Variants in KIAA2012 observed in about 807,000 individuals in gnomAD.
KIAA2012 encodes uncharacterized protein KIAA2012.
In KIAA2012, 125 loss-of-function variants were observed where a neutral mutation model predicts 150.6. That is an observed-to-expected ratio of 0.83 (90% CI 0.72 to 0.96). KIAA2012 has a LOEUF of 0.96. Among genes scored for constraint, KIAA2012 ranks in the 40% least tolerant of loss-of-function variants. KIAA2012 has a pLI of 0.00. For missense variants in KIAA2012, 1,219 were observed against 1,354.9 expected (o/e 0.90, Z 1.57); for synonymous variants, 462 against 504.7 (o/e 0.92, Z 1.13).
chr2:202,166,794 C>A (rs1486582212), intron 15 of KIAA2012, among the ~76,000 whole-genome samples: 2 of 152,152 alleles, frequency 1.3e-5, no homozygotes, highest in Non-Finnish European at 2.9e-5. Context: ...CCAGTTGCCA[C>A]CTGCAGTGAG....
intron 14 of KIAA2012, among the ~76,000 whole-genome samples, chr2:202,158,304 A>T (rs540565408): frequency 1.3e-5 from 2 of 151,384 alleles, no homozygotes; most frequent in South Asian, 4.2e-4. Context: ...CCCTCAGCCA[A>T]CATATATTAA....
chr2:202,101,864 T>C (rs1488495008), intron 7 of KIAA2012, among the ~76,000 whole-genome samples: 4 of 152,188 alleles, frequency 2.6e-5, no homozygotes, highest in Non-Finnish European at 4.4e-5. Flanking sequence ...CCTTCTTCAA[T>C]CAACTCTAAA....
intron 9 of KIAA2012, among the ~76,000 whole-genome samples, chr2:202,109,123 C>A (rs1384661049): frequency 6.6e-6 from 1 of 152,214 alleles, no homozygotes; most frequent in African/African-American, 2.4e-5. Flanking sequence ...ATTGACTCTG[C>A]CTAGCACAAC....
intron 14 of KIAA2012, among the ~76,000 whole-genome samples, chr2:202,159,193 T>A (rs1691600698): frequency 1.3e-5 from 2 of 152,186 alleles, no homozygotes; most frequent in South Asian, 4.1e-4. Context: ...GCTTAGGACA[T>A]CATCCAAAGA....
At chr2:202,078,282 A>C (rs1689368887) in intron 2 of KIAA2012, among the ~76,000 whole-genome samples, 1 of 152,248 alleles carries the variant, frequency 6.6e-6, no homozygotes, top group Non-Finnish European at 1.5e-5. Flanking sequence ...GAAAATCTGC[A>C]CAATGTTTTT....
At chr2:202,165,403 C>T in intron 15 of KIAA2012, 47 bp downstream of exon 15, 1 of 1,512,552 alleles carries the variant, frequency 6.6e-7, no homozygotes, top group Non-Finnish European at 9.0e-7. Context: ...CCATAACTGT[C>T]AGATGAACTT....
Position 202,090,944 on chromosome 2 carries a change from G to A in KIAA2012, c.529+15G>A. On this transcript the variant is annotated intron_variant, in intron 3 of 23. Coordinates refer to ENST00000498697, the MANE Select transcript of KIAA2012 (RefSeq NM_001277372.4). ...CTGGTGCGCAGGTCAGTGGGGAAAT[G>A]GGAGGGGGGCACACCCCAAACTGCC... 1 of 1,533,210 alleles carries A rather than the reference G, an allele frequency of 6.5e-7. No individual in the cohort carries two copies. The highest frequency in any genetic ancestry group is 8.8e-7 in the Non-Finnish European group (1 of 1,134,444). The allele number at this position is 1,533,210 out of a possible 1,614,324, so 95.0% of individuals were successfully genotyped here.
In KIAA2012 at chr2:202,193,413, A is replaced by C; in HGVS notation, c.2924A>C (p.Gln975Pro). The C allele has an allele frequency of 6.4e-7, 1 of 1,550,450 alleles. No individual in the cohort carries two copies. Among genetic ancestry groups the C allele is most frequent in the Non-Finnish European group, 8.7e-7 (1 of 1,146,854 alleles). Residue 975 changes from glutamine to proline, a missense_variant, in exon 20 of 24, where the codon CAA (glutamine) becomes CCA (proline). Gln to Pro is a moderately conservative substitution (Grantham distance 76). Coordinates refer to ENST00000498697, the MANE Select transcript of KIAA2012 (RefSeq NM_001277372.4). Reference protein sequence around the residue: ...VEKKRREQEEQRQLQQEQLER... With the variant: ...VEKKRREQEEPRQLQQEQLER... Reference sequence around the variant, plus strand: ...AAGAAGAGAAGGGAGCAGGAAGAGCAAAGGCAGCTCCAGCAGGAGCAGCTG... The same window carrying C: ...AAGAAGAGAAGGGAGCAGGAAGAGCCAAGGCAGCTCCAGCAGGAGCAGCTG...
At chr2:202,103,201 C>A in intron 8 of KIAA2012, 87 bp downstream of exon 8, 1 of 1,300,152 alleles carries the variant, frequency 7.7e-7, no homozygotes, top group South Asian at 1.5e-5. Context: ...TCATGGCTGA[C>A]GTTCCCTATG....
chr2:202,167,615 G>A (rs986273083), intron 15 of KIAA2012, among the ~76,000 whole-genome samples: 4 of 152,112 alleles, frequency 2.6e-5, no homozygotes, highest in Non-Finnish European at 2.9e-5. Context: ...CAGACCAGAA[G>A]TTGTTGGAGA....
intron 13 of KIAA2012, among the ~76,000 whole-genome samples, chr2:202,139,097 C>T (rs549379156): frequency 3.9e-5 from 6 of 151,940 alleles, no homozygotes; most frequent in African/African-American, 1.4e-4. Context: ...AAAAATTAGC[C>T]GGGTGTGGTG....
chr2:202,187,390 C>T (rs1481245468), intron 17 of KIAA2012, among the ~76,000 whole-genome samples: 2 of 152,104 alleles, frequency 1.3e-5, no homozygotes, highest in African/African-American at 2.4e-5. Flanking sequence ...CTGCAACATC[C>T]GCCTCCCAGG....
At chr2:202,146,917 G>T (rs1453606241) in intron 13 of KIAA2012, among the ~76,000 whole-genome samples, 2 of 152,166 alleles carry the variant, frequency 1.3e-5, no homozygotes, top group Non-Finnish European at 2.9e-5. Flanking sequence ...TTTCCCTCAT[G>T]GGGTCATGAT....
At chr2:202,168,806 G>A (rs575790417) in intron 15 of KIAA2012, among the ~76,000 whole-genome samples, 1 of 152,224 alleles carries the variant, frequency 6.6e-6, no homozygotes, top group South Asian at 2.1e-4. Context: ...AGGTGCAGGG[G>A]GTCCTTAAGG....
At chr2:202,150,966 T>A (rs979563658) in intron 13 of KIAA2012, among the ~76,000 whole-genome samples, 1 of 152,204 alleles carries the variant, frequency 6.6e-6, no homozygotes, top group African/African-American at 2.4e-5. Flanking sequence ...AAGTGTCAGT[T>A]TTGATTGCTC....
In KIAA2012 at chr2:202,196,909, G is replaced by A. The variant is rs1436573182; in HGVS notation, c.3297G>A (p.Gln1099=). 5 of 1,550,744 alleles carry A rather than the reference G, an allele frequency of 3.2e-6. No individual in the cohort carries two copies. In the East Asian group the frequency reaches 9.8e-5, roughly 30 times the overall value. ...EERLEYQRRK[Q]EAEEKARLEA... ...GACTGGAGTACCAGCGGCGGAAACAGGAAGCAGAAGAGAAGGCTCGGCTGG... is the reference window on the plus strand; with the variant it reads ...GACTGGAGTACCAGCGGCGGAAACAAGAAGCAGAAGAGAAGGCTCGGCTGG... Residue 1099 remains glutamine (Q), a synonymous_variant, in exon 22 of 24, where the codon CAG becomes CAA. Coordinates refer to ENST00000498697, the MANE Select transcript of KIAA2012 (RefSeq NM_001277372.4).
At chr2:202,196,652 C>A in intron 21 of KIAA2012, 148 bp from the exon 22 acceptor site, 1 of 946,948 alleles carries the variant, frequency 1.1e-6, no homozygotes, top group Non-Finnish European at 1.6e-6. Context: ...AAGGTACTCC[C>A]CAGAGAGGAT....
chr2:202,097,796 C>T (rs976761477), intron 5 of KIAA2012, among the ~76,000 whole-genome samples: 1 of 152,032 alleles, frequency 6.6e-6, no homozygotes. Context: ...CACAATGTTA[C>T]CCAGGCTGGT....
intron 10 of KIAA2012, among the ~76,000 whole-genome samples, chr2:202,112,303 G>A (rs56935230): frequency 0.29 from 43,793 of 152,072 alleles, 6,589 homozygotes; most frequent in African/African-American, 0.37. Flanking sequence ...ATTGCTGAGC[G>A]TGTCTAGGTG....
Sources: allele counts gnomAD v4.1 joint callset (sites outside exome capture counted in the v4.1 genomes callset), GRCh38; gene constraint gnomAD v4.1.1; transcripts MANE v1.5; gene names NCBI Gene and HGNC (gene_info 2026-07-23, HGNC 2026-07-21).